SAFB: variants seen among roughly 807,000 people sequenced by gnomAD.
The protein encoded by SAFB is scaffold attachment factor B, also known as scaffold attachment factor B1.
Under a neutral mutation model 101.6 loss-of-function variants are expected in SAFB, and 15 were observed. The ratio of observed to expected loss-of-function variants is 0.15; its 90% CI spans 0.10 to 0.23. SAFB has a LOEUF of 0.23. Ranked by LOEUF, SAFB falls within the 10% of genes least tolerant of loss-of-function variation. The probability of loss-of-function intolerance (pLI) is 1.00; values close to 1 mark genes in which losing one functional copy is unlikely to be tolerated. For synonymous variants in SAFB, 449 were observed against 407.5 expected (o/e 1.10, Z -1.23); for missense variants, 930 against 1,104.1 (o/e 0.84, Z 2.23).
At chr19:5,660,337 C>T (rs1372151787) in intron 14 of SAFB, among the ~76,000 whole-genome samples, 1 of 127,896 alleles carries the variant, frequency 7.8e-6, no homozygotes, top group East Asian at 2.6e-4. Context: ...GCTCCCTGCA[C>T]ACACCTTTTT....
At position 5,667,890 on chromosome 19, in the gene SAFB, A is replaced by C; in HGVS notation, c.2624+4A>C. ...TGAACCGAGGAGGAATGTCAGGGTA[A>C]GGCATGCTGGGGGCGGCGCCCCTTC... On this transcript the variant is annotated splice_donor_region_variant and intron_variant, in intron 20 of 20. Transcript: ENST00000588852. This position sits in a 1 kb window ranked among gnomAD's most constrained non-coding sequence, Gnocchi z 4.0. The C allele has an allele frequency of 6.2e-7, 1 of 1,601,426 alleles. No homozygotes were observed. The highest frequency in any genetic ancestry group is 1.1e-5 in the South Asian group (1 of 89,586).
At chr19:5,657,413 G>A in intron 14 of SAFB, 66 bp downstream of exon 14, 1 of 1,137,528 alleles carries the variant, frequency 8.8e-7, no homozygotes, top group Non-Finnish European at 1.3e-6. Flanking sequence ...TCTTCTGGAA[G>A]GATGTTTGCA....
chr19:5,625,011 T>G (rs1050784035), intron 1 of SAFB, among the ~76,000 whole-genome samples: 3 of 152,214 alleles, frequency 2.0e-5, no homozygotes, highest in African/African-American at 7.2e-5. Context: ...CCTGTCAAGC[T>G]GGTGACTGAG....
intron 14 of SAFB, among the ~76,000 whole-genome samples, chr19:5,658,800 G>A (rs1364652263): frequency 2.0e-5 from 3 of 149,114 alleles, no homozygotes; most frequent in East Asian, 2.0e-4. Context: ...CCAAGATCGC[G>A]CCACTGCACT....
intron 1 of SAFB, 60 bp downstream of exon 1, chr19:5,623,454 G>A (rs1466964932): frequency 2.8e-6 from 4 of 1,439,560 alleles, no homozygotes; most frequent in East Asian, 2.5e-5. Flanking sequence ...TGGCCGCGAC[G>A]GTGGCTCGCG....
intron 2 of SAFB, among the ~76,000 whole-genome samples, chr19:5,641,185 T>G (rs990510585): frequency 1.1e-4 from 16 of 152,216 alleles, no homozygotes; most frequent in Admixed American, 6.5e-5. Flanking sequence ...TTTTTCTTTT[T>G]AAGCATTAAA....
In SAFB at chr19:5,663,589, G is replaced by T. The variant is rs902322633; in HGVS notation, c.2154-433G>T. The stretch of plus-strand genomic sequence containing the variant: ...ATCCTTCTGATGACAGTTCATTATG[G>T]TCATCTGTGTATTGCAGCAGTACAT... On this transcript the variant is annotated intron_variant, in intron 15 of 20. Transcript: ENST00000588852. Among the ~76,000 whole-genome samples, 2 of 152,052 alleles carry T rather than the reference G, an allele frequency of 1.3e-5. 1 individual carries two copies. Among genetic ancestry groups the T allele is most frequent in the South Asian group, 4.2e-4 (2 of 4,818 alleles).
intron 6 of SAFB, among the ~76,000 whole-genome samples, chr19:5,648,577 GT>G (rs2053872489): frequency 6.6e-6 from 1 of 152,198 alleles, no homozygotes; most frequent in Non-Finnish European, 1.5e-5. Flanking sequence ...AGAGATTCTG[GT>G]TTTCATGTTG....
chr19:5,667,658 G>A lies in SAFB; in HGVS notation c.2558-162G>A, dbSNP rs1294307841. On this transcript the variant is annotated intron_variant, in intron 19 of 20. Coordinates refer to ENST00000588852, the MANE Select transcript of SAFB (RefSeq NM_001201338.2). The surrounding 1 kb of genome is among the most constrained non-coding windows in gnomAD (Gnocchi z 4.0). ...CGTTCCCGAGTTCTCTCTGCTGGGA[G>A]GAAGCTGGACGTCTATGGTCCCTGT... 1 of 734,772 alleles carries A rather than the reference G, an allele frequency of 1.4e-6. No homozygotes were observed. The highest frequency in any genetic ancestry group is 3.0e-4 in the Middle Eastern group (1 of 3,326). The allele number at this position is 734,772 out of a possible 1,614,324, so 45.5% of individuals were successfully genotyped here.
chr19:5,645,033 G>A (rs2053797396), intron 4 of SAFB, among the ~76,000 whole-genome samples: 1 of 152,188 alleles, frequency 6.6e-6, no homozygotes, highest in South Asian at 2.1e-4. Context: ...CCACTTAGAG[G>A]CTGTGCACTC....
At chr19:5,662,701 C>T (rs577186554) in intron 15 of SAFB, among the ~76,000 whole-genome samples, 60 of 148,344 alleles carry the variant, frequency 4.0e-4, no homozygotes, top group African/African-American at 1.5e-3. Context: ...AGTGCAATGG[C>T]GCGATCGCTG....
intron 14 of SAFB, among the ~76,000 whole-genome samples, chr19:5,658,298 C>G (rs531352572): frequency 3.2e-4 from 49 of 152,332 alleles, no homozygotes; most frequent in Middle Eastern, 3.4e-3. Flanking sequence ...GCTCCAAGGA[C>G]TGACAGGGCC....
At chr19:5,639,722 A>G (rs991239604) in intron 2 of SAFB, among the ~76,000 whole-genome samples, 1 of 151,862 alleles carries the variant, frequency 6.6e-6, no homozygotes, top group African/African-American at 2.4e-5. Flanking sequence ...AGTGAAGTGT[A>G]CTCAAAACCT....
At chr19:5,664,310 T>C in intron 16 of SAFB, 87 bp from the exon 17 acceptor site, 1 of 1,458,624 alleles carries the variant, frequency 6.9e-7, no homozygotes, top group Non-Finnish European at 9.6e-7. Context: ...TTAGGGAAAT[T>C]ATGCTTTTCA....
chr19:5,650,300 C>T (rs2053908986), intron 8 of SAFB, among the ~76,000 whole-genome samples: 1 of 152,172 alleles, frequency 6.6e-6, no homozygotes, highest in South Asian at 2.1e-4. Context: ...GGAGTAAAAA[C>T]ATGGGATAGA....
At chr19:5,656,262 A>T (rs536422833) in intron 13 of SAFB, among the ~76,000 whole-genome samples, 183 of 151,786 alleles carry the variant, frequency 1.2e-3, no homozygotes, top group African/African-American at 4.2e-3. Flanking sequence ...TTATTTTATT[A>T]TTTATTTTTT....
chr19:5,646,976 G>A (rs1171984413), intron 5 of SAFB, among the ~76,000 whole-genome samples: 1 of 152,218 alleles, frequency 6.6e-6, no homozygotes, highest in Non-Finnish European at 1.5e-5. Context: ...TCTGTAAAAA[G>A]AAGGGTGCTA....
intron 14 of SAFB, among the ~76,000 whole-genome samples, chr19:5,659,387 CT>C (rs879802096): frequency 7.4e-5 from 11 of 148,848 alleles, no homozygotes; most frequent in African/African-American, 9.8e-5. Flanking sequence ...CTTTTATTCC[CT>C]TTTTTTTTTC....
intron 4 of SAFB, among the ~76,000 whole-genome samples, chr19:5,642,476 A>C (rs1438579768): frequency 6.6e-6 from 1 of 152,046 alleles, no homozygotes; most frequent in African/African-American, 2.4e-5. Context: ...AAACAAAAAA[A>C]AAAACACAGC....
Sources: gnomAD v4.1 joint callset for allele counts (sites outside exome capture counted in the v4.1 genomes callset) on GRCh38, gnomAD v4.1.1 for gene constraint, Gnocchi (gnomAD v3.1) non-coding constraint, MANE v1.5 for transcripts, NCBI Gene and HGNC (gene_info 2026-07-23, HGNC 2026-07-21) for gene names.